TRAPPC10: variants seen among roughly 807,000 people sequenced by gnomAD.
TRAPPC10 encodes the protein TRAPP 130 kDa subunit.
TRAPPC10 carries 23 observed loss-of-function variants against 125.5 expected under a neutral mutation model. The observed-to-expected ratio is 0.18, with a 90% CI of 0.13 to 0.26. TRAPPC10 has a LOEUF of 0.26. Ranked by LOEUF, TRAPPC10 falls within the 10% of genes least tolerant of loss-of-function variation. The pLI, the probability that TRAPPC10 is intolerant of heterozygous loss-of-function variation, is 1.00. For missense variants in TRAPPC10, 1,123 were observed against 1,308.4 expected (o/e 0.86, Z 2.19); for synonymous variants, 509 against 518.0 (o/e 0.98, Z 0.24).
chr21:44,093,211 C>T (rs1369688743), intron 19 of TRAPPC10, among the ~76,000 whole-genome samples: 2 of 152,166 alleles, frequency 1.3e-5, no homozygotes, highest in Non-Finnish European at 2.9e-5. Context: ...GTGATCCCAA[C>T]ACTTTGGGAG....
chr21:44,082,719 G>A lies in TRAPPC10; in HGVS notation c.1724-69G>A, dbSNP rs2146107153. 7.1e-6 allele frequency: 11 copies of A among 1,554,500 alleles called. No individual in the cohort carries two copies. Among genetic ancestry groups the A allele is most frequent in the South Asian group, 1.2e-5 (1 of 86,010 alleles). On this transcript the variant is annotated intron_variant, in intron 13 of 22. Transcript: ENST00000291574. The surrounding 1 kb of genome is among the most constrained non-coding windows in gnomAD (Gnocchi z 4.4). Reference sequence around the variant, plus strand: ...TGCTCTCGGTGATCTTACTGTGTCCGCGGCCTGCTGCTGCTTACTGTCAGG... The same window carrying A: ...TGCTCTCGGTGATCTTACTGTGTCCACGGCCTGCTGCTGCTTACTGTCAGG...
intron 2 of TRAPPC10, among the ~76,000 whole-genome samples, chr21:44,035,415 A>G (rs2033917939): frequency 6.6e-6 from 1 of 152,140 alleles, no homozygotes; most frequent in Non-Finnish European, 1.5e-5. Flanking sequence ...ATACCAAGAC[A>G]TGGATGTGTG....
At chr21:44,029,440 A>G (rs576623328) in intron 1 of TRAPPC10, among the ~76,000 whole-genome samples, 1 of 152,338 alleles carries the variant, frequency 6.6e-6, no homozygotes, top group South Asian at 2.1e-4. Context: ...CCCATTTTCA[A>G]AGGCATCTCT....
At chr21:44,013,251 A>G (rs1400573359) in intron 1 of TRAPPC10, among the ~76,000 whole-genome samples, 1 of 152,138 alleles carries the variant, frequency 6.6e-6, no homozygotes, top group African/African-American at 2.4e-5. Context: ...ATGCATACAC[A>G]AAGGAACTGT....
chr21:44,060,645 G>C (rs796090738), intron 6 of TRAPPC10, among the ~76,000 whole-genome samples: 40 of 152,034 alleles, frequency 2.6e-4, no homozygotes, highest in African/African-American at 8.9e-4. Flanking sequence ...CTGTCCCCCA[G>C]GCTGGAGGGC....
chr21:44,020,549 G>A (rs943194502), intron 1 of TRAPPC10, among the ~76,000 whole-genome samples: 1 of 152,168 alleles, frequency 6.6e-6, no homozygotes, highest in South Asian at 2.1e-4. Context: ...CCAGAGGATC[G>A]CTTGAGCCCA....
chr21:44,071,298 C>A (rs1022982732), intron 7 of TRAPPC10, among the ~76,000 whole-genome samples: 1 of 152,228 alleles, frequency 6.6e-6, no homozygotes, highest in African/African-American at 2.4e-5. Context: ...GTGGTGGTTA[C>A]ATTTGTAAAA....
intron 3 of TRAPPC10, among the ~76,000 whole-genome samples, chr21:44,042,581 G>A (rs1349930238): frequency 6.6e-6 from 1 of 152,188 alleles, no homozygotes; most frequent in Non-Finnish European, 1.5e-5. Flanking sequence ...GACATTTCAT[G>A]TGTGTTTGAG....
At chr21:44,026,040 T>A (rs1360257919) in intron 1 of TRAPPC10, among the ~76,000 whole-genome samples, 1 of 152,106 alleles carries the variant, frequency 6.6e-6, no homozygotes, top group East Asian at 1.9e-4. Flanking sequence ...GTTCATTTGC[T>A]TTACTTCTCA....
At chr21:44,046,131 T>C (rs1372693046) in intron 3 of TRAPPC10, among the ~76,000 whole-genome samples, 2 of 152,182 alleles carry the variant, frequency 1.3e-5, no homozygotes, top group Non-Finnish European at 2.9e-5. Context: ...TCAGAATCAA[T>C]AGCTTCTTTG....
intron 5 of TRAPPC10, among the ~76,000 whole-genome samples, chr21:44,057,951 A>G (rs2035734135): frequency 6.6e-6 from 1 of 152,214 alleles, no homozygotes; most frequent in Non-Finnish European, 1.5e-5. Context: ...TTTAATGTGC[A>G]GTAATGGAGA....
chr21:44,070,956 C>A (rs2036823876), intron 7 of TRAPPC10, among the ~76,000 whole-genome samples: 1 of 152,142 alleles, frequency 6.6e-6, no homozygotes, highest in African/African-American at 2.4e-5. Flanking sequence ...TAGCTTTACC[C>A]ATAGTAGCCA....
intron 7 of TRAPPC10, among the ~76,000 whole-genome samples, chr21:44,072,544 A>C (rs759428070): frequency 3.3e-5 from 5 of 151,448 alleles, no homozygotes; most frequent in Non-Finnish European, 5.9e-5. Flanking sequence ...GCTCACCGCA[A>C]CCTCCGCCTC....
chr21:44,079,592 A>C lies in TRAPPC10; in HGVS notation c.1498A>C (p.Ile500Leu). 1 of 1,602,098 alleles carries C rather than the reference A, an allele frequency of 6.2e-7. No individual in the cohort carries two copies. The highest frequency in any genetic ancestry group is 8.5e-7 in the Non-Finnish European group (1 of 1,177,278). Residue 500 changes from isoleucine to leucine, a missense_variant, in exon 12 of 23, where the codon ATC becomes CTC. This residue lies in a region of TRAPPC10 where 840 missense variants were observed against 902.0 expected (regional missense o/e 0.93). Transcript: ENST00000291574. ...MRKKAPQKAE[I>L]YLQGALKNYL... ...GAAAAAGGCTCCACAAAAGGCAGAA[A>C]TCTATCTTCAAGGAGCACTGAAAAA...
At chr21:44,056,814 T>G (rs2035629487) in intron 5 of TRAPPC10, among the ~76,000 whole-genome samples, 1 of 152,152 alleles carries the variant, frequency 6.6e-6, no homozygotes, top group African/African-American at 2.4e-5. Context: ...GAAAAACCAC[T>G]GAAATTCCAA....
intron 11 of TRAPPC10, among the ~76,000 whole-genome samples, chr21:44,078,969 A>T (rs760392673): frequency 5.3e-5 from 8 of 152,014 alleles, no homozygotes; most frequent in Non-Finnish European, 1.2e-4. Flanking sequence ...TGTGCTTTAA[A>T]CTTTGCTTTG....
chr21:44,074,281 G>A, intron 7 of TRAPPC10, 43 bp from the exon 8 acceptor site: 1 of 1,611,882 alleles, frequency 6.2e-7, no homozygotes, highest in Non-Finnish European at 8.5e-7. Context: ...AGCTAGAGCT[G>A]TCCCGGAGCA....
In TRAPPC10 at chr21:44,082,089, T is replaced by C. The variant is rs2037794826; in HGVS notation, c.1724-699T>C. Among the ~76,000 whole-genome samples the C allele has an allele frequency of 6.6e-6, 1 of 152,246 alleles. No homozygotes were observed. The highest frequency in any genetic ancestry group is 1.5e-5 in the Non-Finnish European group (1 of 68,044). The stretch of plus-strand genomic sequence containing the variant: ...ACGAATAAAATATTCCACAATCGTT[T>C]ACTGTTTCTCATGATCTATGGCATC... On this transcript the variant is annotated intron_variant, in intron 13 of 22. Coordinates refer to ENST00000291574, the MANE Select transcript of TRAPPC10 (RefSeq NM_003274.5). This position sits in a 1 kb window ranked among gnomAD's most constrained non-coding sequence, Gnocchi z 4.4.
Position 44,063,391 on chromosome 21 carries a change from C to A in TRAPPC10, c.791-147C>A. On this transcript the variant is annotated intron_variant, in intron 6 of 22. Transcript: ENST00000291574. This position sits in a 1 kb window ranked among gnomAD's most constrained non-coding sequence, Gnocchi z 4.4. ...GGCTGTCAGTGCTGGGAGCCGAATG[C>A]ATCACTAGACCACAGGGGGTGGGCC... 1 of 1,268,294 alleles carries A rather than the reference C, an allele frequency of 7.9e-7. No homozygotes were observed. The highest frequency in any genetic ancestry group is 1.1e-6 in the Non-Finnish European group (1 of 918,704). 78.6% of individuals were successfully genotyped at this position (1,268,294 alleles called of 1,614,324 possible). A position where few individuals can be genotyped will look rare whatever the true frequency, so the allele number is the denominator to read the frequency against.
Sources: allele counts gnomAD v4.1 joint callset (sites outside exome capture counted in the v4.1 genomes callset), GRCh38; gene constraint gnomAD v4.1.1; regional missense constraint gnomAD v4.1.1; non-coding constraint Gnocchi (gnomAD v3.1); transcripts MANE v1.5; gene names NCBI Gene and HGNC (gene_info 2026-07-23, HGNC 2026-07-21).